Variants in RALGAPA1 observed in about 807,000 individuals in gnomAD.
RALGAPA1 encodes ral GTPase-activating protein subunit alpha-1.
RALGAPA1 carries 52 observed loss-of-function variants against 269.6 expected under a neutral mutation model. That is an observed-to-expected ratio of 0.19 (90% CI 0.15 to 0.24). The LOEUF is 0.24. RALGAPA1 is among the 10% of genes least tolerant of loss of function. The pLI is 1.00. For missense variants in RALGAPA1, 1,917 were observed against 3,013.9 expected, an observed-to-expected ratio of 0.64 and a Z score of 8.52; for synonymous variants, 817 against 1,008.3, an observed-to-expected ratio of 0.81 and a Z score of 3.60.
intron 39 of RALGAPA1, among the ~76,000 whole-genome samples, chr14:35,558,093 C>G (rs2055808440): frequency 2.0e-5 from 3 of 151,406 alleles, no homozygotes; most frequent in African/African-American, 7.3e-5. Flanking sequence ...TCAGCGCATA[C>G]AATATTTCAT....
Position 35,606,608 on chromosome 14 carries a change from A to C in RALGAPA1, c.6930-899T>G, listed in dbSNP as rs574871163. Among the ~76,000 whole-genome samples the C allele has an allele frequency of 1.2e-4, 18 of 152,338 alleles. No homozygotes were observed. The South Asian group carries it at 3.5e-3, about 30-fold the overall frequency. The stretch of plus-strand genomic sequence containing the variant: ...TAAAATTAAAAATGTTTATAAAAGC[A>C]CATTTCTTGTTTGAAATTTAGCTTT... On this transcript the variant is annotated intron_variant, in intron 35 of 41. Coordinates refer to ENST00000680220, the MANE Select transcript of RALGAPA1 (RefSeq NM_001346249.2).
chr14:35,655,705 G>T, intron 29 of RALGAPA1, 102 bp downstream of exon 29: 1 of 1,430,628 alleles, frequency 7.0e-7, no homozygotes, highest in Non-Finnish European at 9.4e-7. Flanking sequence ...ATAAAGTAAT[G>T]AAAACATTTA....
intron 3 of RALGAPA1, among the ~76,000 whole-genome samples, chr14:35,774,293 C>T (rs1383718019): frequency 6.6e-6 from 1 of 152,122 alleles, no homozygotes; most frequent in African/African-American, 2.4e-5. Flanking sequence ...ATTTTCTATG[C>T]ATATTCCTGG....
chr14:35,643,077 C>T (rs2062134799), intron 31 of RALGAPA1, among the ~76,000 whole-genome samples: 1 of 150,584 alleles, frequency 6.6e-6, no homozygotes, highest in Non-Finnish European at 1.5e-5. Context: ...CAAACTGTCG[C>T]AAGGACAGAA....
intron 21 of RALGAPA1, among the ~76,000 whole-genome samples, chr14:35,680,502 A>T (rs1323051199): frequency 1.3e-5 from 2 of 152,088 alleles, no homozygotes; most frequent in African/African-American, 4.8e-5. Context: ...GAGCCACCAC[A>T]CCAAGCCAAG....
chr14:35,654,122 G>A (rs1445970809), intron 30 of RALGAPA1, among the ~76,000 whole-genome samples: 1 of 152,106 alleles, frequency 6.6e-6, no homozygotes, highest in Non-Finnish European at 1.5e-5. Context: ...ACAGGCATAA[G>A]CCACCAGGCT....
chr14:35,796,976 A>G (rs1197655846), intron 1 of RALGAPA1, among the ~76,000 whole-genome samples: 1 of 151,954 alleles, frequency 6.6e-6, no homozygotes, highest in South Asian at 2.1e-4. Flanking sequence ...TTTAGTAGAG[A>G]CAGGGTTTCA....
At chr14:35,720,358 C>T (rs950796085) in intron 16 of RALGAPA1, among the ~76,000 whole-genome samples, 10 of 152,090 alleles carry the variant, frequency 6.6e-5, no homozygotes, top group Non-Finnish European at 1.3e-4. Context: ...TCTTTAATCT[C>T]TTATTTTCTT....
chr14:35,687,694 G>C (rs2066073962), intron 18 of RALGAPA1, among the ~76,000 whole-genome samples: 1 of 152,140 alleles, frequency 6.6e-6, no homozygotes, highest in Non-Finnish European at 1.5e-5. Context: ...CCATAATCTT[G>C]CTTTCTGTTA....
In RALGAPA1 at chr14:35,543,989, G is replaced by A. The variant is rs896499532; in HGVS notation, c.*24-4299C>T. Among the ~76,000 whole-genome samples, 5 of 152,080 alleles carry A rather than the reference G, an allele frequency of 3.3e-5. 1 individual carries two copies. Among genetic ancestry groups the A allele is most frequent in the Non-Finnish European group, 7.4e-5 (5 of 68,014 alleles). ...AGTAGAGAAATAAAGGCAAACATGT[G>A]GTTTCATTTTAAGATACATTCAAGA... On this transcript the variant is annotated intron_variant, in intron 41 of 41. Transcript: ENST00000680220.
Position 35,657,155 on chromosome 14 carries a change from C to T in RALGAPA1, c.5388-1240G>A, listed in dbSNP as rs962153669. 8.1e-4 allele frequency among the ~76,000 whole-genome samples: 123 copies of T among 151,834 alleles called. 5 individuals are homozygous for T. The highest frequency in any genetic ancestry group is 2.9e-5 in the Non-Finnish European group (2 of 67,938). ...GCTCAACTCTCTGCTCCTGTGCAGA[C>T]TGGGGGTATTAAGTTTCTTTTTTCT... On this transcript the variant is annotated intron_variant, in intron 28 of 41. Transcript: ENST00000680220.
At chr14:35,639,510 T>C (rs1027162881) in intron 31 of RALGAPA1, among the ~76,000 whole-genome samples, 1 of 152,318 alleles carries the variant, frequency 6.6e-6, no homozygotes, top group Admixed American at 6.5e-5. Flanking sequence ...GGACAGACCA[T>C]ATGTTAGGCC....
intron 12 of RALGAPA1, among the ~76,000 whole-genome samples, chr14:35,731,083 C>T (rs560425277): frequency 1.3e-5 from 2 of 152,216 alleles, no homozygotes; most frequent in African/African-American, 4.8e-5. Context: ...AACTCCACTA[C>T]CAGCCTGGAG....
At chr14:35,787,136 A>T (rs2075854134) in intron 1 of RALGAPA1, among the ~76,000 whole-genome samples, 1 of 151,996 alleles carries the variant, frequency 6.6e-6, no homozygotes, top group Non-Finnish European at 1.5e-5. Context: ...TATACCATTA[A>T]CTCCTTTACT....
chr14:35,567,809 TTTTGCA>T (rs1478835787), intron 39 of RALGAPA1, among the ~76,000 whole-genome samples: 1 of 151,956 alleles, frequency 6.6e-6, no homozygotes, highest in Non-Finnish European at 1.5e-5. Context: ...GCAAATAGAG[TTTTGCA>T]TTACAATCTA....
Position 35,766,887 on chromosome 14 carries a change from T to C in RALGAPA1, c.325+4055A>G, listed in dbSNP as rs1347082320. The C allele has an allele frequency of 2.1e-5, 9 of 434,872 alleles. No homozygotes were observed. In the East Asian group the frequency reaches 4.0e-4, roughly 19 times the overall value. The allele number at this position is 434,872 out of a possible 1,614,324, so 26.9% of individuals were successfully genotyped here. A position where few individuals can be genotyped will look rare whatever the true frequency, so the allele number is the denominator to read the frequency against. On this transcript the variant is annotated intron_variant, in intron 4 of 41. Coordinates refer to ENST00000680220, the MANE Select transcript of RALGAPA1 (RefSeq NM_001346249.2). ...GATATTTTTACACAGGCTGTAAACA[T>C]GGCAGGACTGTCAGCAGTGAGTAAC...
chr14:35,781,765 G>A (rs2141642225), intron 1 of RALGAPA1, among the ~76,000 whole-genome samples: 1 of 152,072 alleles, frequency 6.6e-6, no homozygotes, highest in East Asian at 1.9e-4. Context: ...AAAAACATCT[G>A]ACAAAACCCA....
chr14:35,717,180 C>A (rs997006942), intron 16 of RALGAPA1, among the ~76,000 whole-genome samples: 1 of 152,134 alleles, frequency 6.6e-6, no homozygotes, highest in Non-Finnish European at 1.5e-5. Context: ...GACGGAGTTT[C>A]GCTCTTGTTG....
At chr14:35,797,286 G>T (rs2076637100) in intron 1 of RALGAPA1, among the ~76,000 whole-genome samples, 1 of 143,978 alleles carries the variant, frequency 6.9e-6, no homozygotes. Flanking sequence ...CTGAGAGGTG[G>T]AGGTTGCAGT....
Sources: allele counts gnomAD v4.1 joint callset (sites outside exome capture counted in the v4.1 genomes callset), GRCh38; gene constraint gnomAD v4.1.1; transcripts MANE v1.5; gene names NCBI Gene and HGNC (gene_info 2026-07-23, HGNC 2026-07-21).